CEP85L: variants seen among roughly 807,000 people sequenced by gnomAD.
The protein encoded by CEP85L is centrosomal protein 85L.
A neutral mutation model predicts 100.3 loss-of-function variants in CEP85L; 60 were observed. The ratio of observed to expected loss-of-function variants is 0.60; its 90% CI spans 0.49 to 0.74. The LOEUF is 0.74. Ranked by LOEUF, CEP85L falls within the 30% of genes least tolerant of loss-of-function variation. The pLI, the probability that CEP85L is intolerant of heterozygous loss-of-function variation, is 0.00. For missense variants in CEP85L, 973 were observed against 936.2 expected (o/e 1.04, Z -0.51); for synonymous variants, 319 against 322.7 (o/e 0.99, Z 0.12).
At chr6:118,706,207 A>AT (rs1483676748) in intron 1 of CEP85L, among the ~76,000 whole-genome samples, 1 of 152,132 alleles carries the variant, frequency 6.6e-6, no homozygotes, top group South Asian at 2.1e-4. Context: ...TTTTAGTTTC[A>AT]TTTTCTAGAT....
chr6:118,571,439 T>C (rs1562272517), intron 2 of CEP85L, among the ~76,000 whole-genome samples: 1 of 152,236 alleles, frequency 6.6e-6, no homozygotes. Flanking sequence ...GACGCTGATA[T>C]AGTCTGATAA....
At chr6:118,540,511 C>A (rs1185772107) in intron 3 of CEP85L, among the ~76,000 whole-genome samples, 1 of 152,068 alleles carries the variant, frequency 6.6e-6, no homozygotes. Context: ...AATCCCAGCA[C>A]TTTGGGAGGC....
In CEP85L at chr6:118,463,898, A is replaced by C. The variant is rs1011999589; in HGVS notation, c.*1507T>G. Reference sequence around the variant, plus strand: ...CTCACATTTTCACTTTTAAATATTTAAGAAAAATCTTTCCTAGGAGAGCCT... The same window carrying C: ...CTCACATTTTCACTTTTAAATATTTCAGAAAAATCTTTCCTAGGAGAGCCT... On this transcript the variant is annotated 3_prime_UTR_variant, in exon 13 of 13. Coordinates refer to ENST00000368491, the MANE Select transcript of CEP85L (RefSeq NM_001042475.3). 3.3e-5 allele frequency: 5 copies of C among 152,158 alleles called. No homozygotes were observed. In the East Asian group the frequency reaches 7.7e-4, roughly 23 times the overall value. The allele number at this position is 152,158 out of a possible 1,614,324, so 9.4% of individuals were successfully genotyped here.
At chr6:118,515,276 C>A (rs1392227445) in intron 4 of CEP85L, among the ~76,000 whole-genome samples, 43 of 152,080 alleles carry the variant, frequency 2.8e-4, no homozygotes, top group Non-Finnish European at 1.2e-4. Context: ...GATACATCCA[C>A]AATTGTAATT....
intron 4 of CEP85L, among the ~76,000 whole-genome samples, chr6:118,520,234 A>G (rs936441804): frequency 6.6e-6 from 1 of 152,194 alleles, no homozygotes. Context: ...AAGGAAATAA[A>G]AAGACTCTAT....
intron 3 of CEP85L, among the ~76,000 whole-genome samples, chr6:118,525,877 G>A (rs1582978311): frequency 6.6e-6 from 1 of 152,222 alleles, no homozygotes; most frequent in East Asian, 1.9e-4. Flanking sequence ...ATTCAAATGT[G>A]TAGTGATATT....
chr6:118,490,581 T>C (rs1355322811), intron 6 of CEP85L, among the ~76,000 whole-genome samples: 1 of 152,174 alleles, frequency 6.6e-6, no homozygotes, highest in Non-Finnish European at 1.5e-5. Context: ...GATCCAGCAA[T>C]TCAACTACCA....
intron 1 of CEP85L, among the ~76,000 whole-genome samples, chr6:118,640,855 A>G (rs930887911): frequency 2.0e-5 from 3 of 152,198 alleles, no homozygotes; most frequent in Non-Finnish European, 2.9e-5. Flanking sequence ...AAAGTGCCAG[A>G]CATATAATTA....
intron 2 of CEP85L, among the ~76,000 whole-genome samples, chr6:118,577,475 TA>T (rs1323587228): frequency 6.6e-6 from 1 of 152,184 alleles, no homozygotes; most frequent in Non-Finnish European, 1.5e-5. Flanking sequence ...CAAATGAATT[TA>T]AAGCCCAAAA....
At chr6:118,650,551 T>C (rs903752789) in intron 1 of CEP85L, among the ~76,000 whole-genome samples, 1 of 152,214 alleles carries the variant, frequency 6.6e-6, no homozygotes, top group African/African-American at 2.4e-5. Flanking sequence ...CATTGGCTAC[T>C]GCAGGACGCG....
Position 118,469,060 on chromosome 6 carries a change from T to C in CEP85L, c.2254+12A>G. On this transcript the variant is annotated intron_variant, in intron 12 of 12. Transcript: ENST00000368491. ...ATTGCCACAAAATAAGGACAAGTCA[T>C]CAGACACTTACATCTTATTCCCAGT... The C allele has an allele frequency of 6.3e-7, 1 of 1,579,230 alleles. No homozygotes were observed. Among genetic ancestry groups the C allele is most frequent in the Non-Finnish European group, 8.7e-7 (1 of 1,148,992 alleles).
chr6:118,684,041 A>G (rs981417834), intron 1 of CEP85L, among the ~76,000 whole-genome samples: 3 of 152,328 alleles, frequency 2.0e-5, no homozygotes, highest in African/African-American at 7.2e-5. Flanking sequence ...CAATGATTTC[A>G]TATCTATACT....
chr6:118,505,794 G>A (rs1238904774), intron 5 of CEP85L, among the ~76,000 whole-genome samples: 1 of 152,206 alleles, frequency 6.6e-6, no homozygotes, highest in African/African-American at 2.4e-5. Flanking sequence ...TACTCTGCAT[G>A]ATACGATAAT....
chr6:118,638,296 C>G (rs756012618), intron 1 of CEP85L, among the ~76,000 whole-genome samples: 3 of 151,804 alleles, frequency 2.0e-5, no homozygotes, highest in Non-Finnish European at 4.4e-5. Context: ...ATAACTATGT[C>G]TTTAAAAAGA....
rs148635510 is a variant in CEP85L, at chr6:118,491,817, C to T, written c.1306G>A (p.Val436Ile). 330 of 1,612,596 alleles carry T rather than the reference C, an allele frequency of 2.0e-4. 3 individuals carry two copies. The African/African-American group carries it at 3.9e-3, about 19-fold the overall frequency. Reference protein sequence around the residue: ...SLQTPFSEESVSHSQQGEFEQ... With the variant: ...SLQTPFSEESISHSQQGEFEQ... The stretch of plus-strand genomic sequence containing the variant: ...AATTCCCCTTGTTGGGAATGGGAAA[C>T]TGATTCCTCTGAAAATGGTGTCTGG... The change falls in exon 6 of 13, where the codon GTT becomes ATT. Residue 436 changes from valine to isoleucine, a missense_variant. Around this residue, in one of 3 missense-constraint regions of CEP85L, gnomAD observed 890 missense variants for 844.5 expected, o/e 1.05. Coordinates refer to ENST00000368491, the MANE Select transcript of CEP85L (RefSeq NM_001042475.3).
chr6:118,480,080 T>C (rs953163855), intron 9 of CEP85L, among the ~76,000 whole-genome samples, 159 bp from the exon 10 acceptor site: 10 of 151,886 alleles, frequency 6.6e-5, no homozygotes, highest in Non-Finnish European at 1.2e-4. Flanking sequence ...CACACACGTA[T>C]AAAACTACAA....
At chr6:118,468,296 G>T (rs569056788) in intron 12 of CEP85L, among the ~76,000 whole-genome samples, 1 of 152,172 alleles carries the variant, frequency 6.6e-6, no homozygotes, top group African/African-American at 2.4e-5. Context: ...AACAAAACCA[G>T]TATTATTAAC....
intron 2 of CEP85L, among the ~76,000 whole-genome samples, chr6:118,598,213 A>G (rs1781551696): frequency 6.6e-6 from 1 of 152,038 alleles, no homozygotes; most frequent in South Asian, 2.1e-4. Context: ...CCAAACAGCT[A>G]GAACACATTT....
At chr6:118,582,040 A>G (rs1780606501) in intron 2 of CEP85L, among the ~76,000 whole-genome samples, 1 of 152,182 alleles carries the variant, frequency 6.6e-6, no homozygotes, top group Non-Finnish European at 1.5e-5. Context: ...CAGTTCTTTT[A>G]GCGGCCACAG....
Sources: allele counts gnomAD v4.1 joint callset (sites outside exome capture counted in the v4.1 genomes callset), GRCh38; gene constraint gnomAD v4.1.1; regional missense constraint gnomAD v4.1.1; transcripts MANE v1.5; gene names NCBI Gene and HGNC (gene_info 2026-07-23, HGNC 2026-07-21).